MDFIC: variants seen among roughly 807,000 people sequenced by gnomAD.
MDFIC encodes the protein myoD family inhibitor domain-containing protein.
MDFIC carries 17 observed loss-of-function variants against 23.2 expected under a neutral mutation model. The ratio of observed to expected loss-of-function variants is 0.73; its 90% CI spans 0.50 to 1.10. MDFIC has a LOEUF of 1.10. Among genes scored for constraint, MDFIC ranks in the 50% least tolerant of loss-of-function variants. MDFIC has a pLI of 0.00. For synonymous variants in MDFIC, 120 were observed against 115.2 expected (o/e 1.04, Z -0.27); for missense variants, 356 against 316.6 (o/e 1.12, Z -0.95).
chr7:115,014,337 A>C, intron 4 of MDFIC: 1 of 1,259,116 alleles, frequency 7.9e-7, no homozygotes, highest in Non-Finnish European at 1.0e-6. Flanking sequence ...GTTATAGTAG[A>C]GGGATTCTGT....
rs1300105328 is a variant in MDFIC, at chr7:115,017,837, A to G, written c.*1902A>G. The G allele has an allele frequency of 1.3e-5, 2 of 152,026 alleles. No homozygotes were observed. Among genetic ancestry groups the G allele is most frequent in the East Asian group, 3.8e-4 (2 of 5,200 alleles). 9.4% of individuals were successfully genotyped at this position (152,026 alleles called of 1,614,324 possible). On this transcript the variant is annotated 3_prime_UTR_variant, in exon 5 of 5. Coordinates refer to ENST00000393486, the MANE Select transcript of MDFIC (RefSeq NM_001166345.3). Reference sequence around the variant, plus strand: ...ATTTTTCTGGCTGAATATCAAATTGATAGTAACAACAGAAGCATAATTTTA... The same window carrying G: ...ATTTTTCTGGCTGAATATCAAATTGGTAGTAACAACAGAAGCATAATTTTA...
intron 4 of MDFIC, among the ~76,000 whole-genome samples, chr7:114,990,602 G>A (rs565253215): frequency 6.6e-6 from 1 of 152,240 alleles, no homozygotes; most frequent in South Asian, 2.1e-4. Flanking sequence ...TGCAGTGTTT[G>A]GTTTTTTGTC....
intron 3 of MDFIC, among the ~76,000 whole-genome samples, chr7:114,969,861 C>T (rs1205773395): frequency 6.6e-6 from 1 of 152,198 alleles, no homozygotes; most frequent in Non-Finnish European, 1.5e-5. Context: ...TGTTATTCCA[C>T]AGACCTCTAG....
chr7:115,017,287 TA>T lies in MDFIC; in HGVS notation c.*1356del, dbSNP rs1486852438. The T allele has an allele frequency of 6.6e-6, 1 of 152,188 alleles. No homozygotes were observed. The highest frequency in any genetic ancestry group is 2.4e-5 in the African/African-American group (1 of 41,458). The allele number at this position is 152,188 out of a possible 1,614,324, so 9.4% of individuals were successfully genotyped here. A position where few individuals can be genotyped will look rare whatever the true frequency, so the allele number is the denominator to read the frequency against. ...TTTTGATGAAAACATAATGCCTTAGTAAAATAGCTCTATTTAATAAAGAAGA... is the reference window on the plus strand; with the variant it reads ...TTTTGATGAAAACATAATGCCTTAGTAAATAGCTCTATTTAATAAAGAAGA... On this transcript the variant is annotated 3_prime_UTR_variant, in exon 5 of 5. Transcript: ENST00000393486.
rs183647032 is a variant in MDFIC at position 114,936,015 on chromosome 7, T to C, written c.95-6260T>C. On this transcript the variant is annotated intron_variant, in intron 2 of 4. Transcript: ENST00000393486. ...TGAGCTCTTATTCTATATCAGACACTGTGCTTTCCTGTCTTGATTTCATTT... is the reference window on the plus strand; with the variant it reads ...TGAGCTCTTATTCTATATCAGACACCGTGCTTTCCTGTCTTGATTTCATTT... Among the ~76,000 whole-genome samples the C allele has an allele frequency of 7.9e-5, 12 of 152,294 alleles. No individual in the cohort carries two copies. In the East Asian group the frequency reaches 2.1e-3, roughly 27 times the overall value.
chr7:114,967,427 A>T (rs1793119626), intron 3 of MDFIC, among the ~76,000 whole-genome samples: 1 of 152,224 alleles, frequency 6.6e-6, no homozygotes, highest in Non-Finnish European at 1.5e-5. Context: ...TGCATCATAG[A>T]CTCATAATTA....
At chr7:114,989,569 G>T (rs1480482464) in intron 4 of MDFIC, among the ~76,000 whole-genome samples, 1 of 152,162 alleles carries the variant, frequency 6.6e-6, no homozygotes, top group African/African-American at 2.4e-5. Context: ...AGCATATAGT[G>T]TATTTAGACT....
At chr7:114,950,889 AG>A (rs998299647) in intron 3 of MDFIC, among the ~76,000 whole-genome samples, 15 of 152,102 alleles carry the variant, frequency 9.9e-5, no homozygotes, top group African/African-American at 3.6e-4. Context: ...AAGGGTCAGG[AG>A]GGGCCAAGTG....
intron 2 of MDFIC, among the ~76,000 whole-genome samples, chr7:114,930,343 C>A (rs1329345224): frequency 6.6e-6 from 1 of 152,164 alleles, no homozygotes; most frequent in Non-Finnish European, 1.5e-5. Flanking sequence ...GGATGCATAT[C>A]ACGCATGTGT....
intron 3 of MDFIC, among the ~76,000 whole-genome samples, chr7:114,946,549 T>C (rs1349489491): frequency 6.6e-6 from 1 of 152,226 alleles, no homozygotes; most frequent in Non-Finnish European, 1.5e-5. Context: ...TTAAACTATT[T>C]TGTTCAGCTA....
At chr7:114,930,215 T>G (rs952239332) in intron 2 of MDFIC, among the ~76,000 whole-genome samples, 5 of 152,176 alleles carry the variant, frequency 3.3e-5, no homozygotes, top group African/African-American at 1.2e-4. Flanking sequence ...TTGATTGTCT[T>G]TCTCAGCCAG....
At chr7:114,931,056 T>C (rs1792298920) in intron 2 of MDFIC, among the ~76,000 whole-genome samples, 2 of 152,210 alleles carry the variant, frequency 1.3e-5, no homozygotes, top group East Asian at 3.9e-4. Flanking sequence ...TCTCCCTCCG[T>C]CCCCTTTTCC....
At chr7:114,981,991 C>G (rs1407935275) in intron 4 of MDFIC, among the ~76,000 whole-genome samples, 1 of 152,190 alleles carries the variant, frequency 6.6e-6, no homozygotes, top group Non-Finnish European at 1.5e-5. Flanking sequence ...CACCAGCTTG[C>G]TGGGGTACTT....
intron 4 of MDFIC, among the ~76,000 whole-genome samples, chr7:114,980,452 T>G (rs1008029347): frequency 1.3e-5 from 2 of 152,204 alleles, no homozygotes; most frequent in African/African-American, 2.4e-5. Context: ...CATCCTGCCC[T>G]TGGCTGGGTT....
intron 4 of MDFIC, among the ~76,000 whole-genome samples, chr7:114,991,649 C>A (rs539771652): frequency 8.8e-4 from 134 of 152,302 alleles, no homozygotes; most frequent in Admixed American, 4.4e-3. Flanking sequence ...TGTCAAAGAT[C>A]ACATGGTTGT....
intron 3 of MDFIC, among the ~76,000 whole-genome samples, chr7:114,942,625 C>G (rs1792566023): frequency 6.6e-6 from 1 of 152,172 alleles, no homozygotes; most frequent in Non-Finnish European, 1.5e-5. Flanking sequence ...ATATTGAACT[C>G]TTCTCAGAGA....
intron 3 of MDFIC, among the ~76,000 whole-genome samples, chr7:114,971,492 G>A (rs1219043744): frequency 6.6e-6 from 1 of 152,144 alleles, no homozygotes; most frequent in African/African-American, 2.4e-5. Flanking sequence ...AAAGCGTTCT[G>A]CATCTATCTA....
At chr7:115,005,189 A>T (rs561736172) in intron 4 of MDFIC, among the ~76,000 whole-genome samples, 1 of 152,178 alleles carries the variant, frequency 6.6e-6, no homozygotes, top group African/African-American at 2.4e-5. Context: ...AAATGAAATG[A>T]CCTGTTCAAG....
rs1447722094 is a variant in MDFIC, at chr7:114,922,266, C to T, written c.-478C>T. On this transcript the variant is annotated 5_prime_UTR_variant, in exon 1 of 5. Coordinates refer to ENST00000393486, the MANE Select transcript of MDFIC (RefSeq NM_001166345.3). ...GGGGCCGCTAGCCAAGAGTTCGAGG[C>T]CTTCCCGATCCGGATGTGATGAAAA... 3 of 718,978 alleles carry T rather than the reference C, an allele frequency of 4.2e-6. No homozygotes were observed. Among genetic ancestry groups the T allele is most frequent in the Non-Finnish European group, 5.8e-6 (3 of 520,314 alleles). 44.5% of individuals were successfully genotyped at this position (718,978 alleles called of 1,614,324 possible).
Sources: allele counts gnomAD v4.1 joint callset (sites outside exome capture counted in the v4.1 genomes callset), GRCh38; gene constraint gnomAD v4.1.1; transcripts MANE v1.5; gene names NCBI Gene and HGNC (gene_info 2026-07-23, HGNC 2026-07-21).